NOX4: variants seen among roughly 807,000 people sequenced by gnomAD.
NOX4 encodes the protein kidney oxidase-1.
NOX4 carries 69 observed loss-of-function variants against 87.6 expected under a neutral mutation model. The observed-to-expected ratio is 0.79, with a 90% CI of 0.65 to 0.96. The LOEUF (loss-of-function observed/expected upper bound fraction) is 0.96, where lower values mean the gene tolerates loss of function less well. Among genes scored for constraint, NOX4 ranks in the 40% least tolerant of loss-of-function variants. The pLI is 0.00. For synonymous variants in NOX4, 275 were observed against 238.2 expected (o/e 1.15, Z -1.42); for missense variants, 680 against 681.5 (o/e 1.00, Z 0.02).
the NOX4 span, among the ~76,000 whole-genome samples, chr11:89,527,805 G>A: frequency 1.3e-5 from 2 of 152,166 alleles, no homozygotes; most frequent in Non-Finnish European, 2.9e-5. Flanking sequence ...CTCTGCTAGG[G>A]CAGTGTGGAA....
chr11:89,369,032 T>G (rs1202118358), intron 12 of NOX4, among the ~76,000 whole-genome samples: 2 of 152,132 alleles, frequency 1.3e-5, no homozygotes, highest in South Asian at 2.1e-4. Flanking sequence ...ATGGAGCTAT[T>G]TTAAACCTGT....
At chr11:89,537,113 G>T in the NOX4 span, among the ~76,000 whole-genome samples, 1 of 152,174 alleles carries the variant, frequency 6.6e-6, no homozygotes, top group African/African-American at 2.4e-5. Context: ...AAGGAGAGCA[G>T]CTTGGCTCTT....
chr11:89,433,895 G>A (rs1053640502), intron 6 of NOX4, among the ~76,000 whole-genome samples: 1 of 152,008 alleles, frequency 6.6e-6, no homozygotes, highest in South Asian at 2.1e-4. Context: ...AACAGCTAAA[G>A]TGTCAATGGT....
chr11:89,567,002 T>G, the NOX4 span, among the ~76,000 whole-genome samples: 1 of 152,144 alleles, frequency 6.6e-6, no homozygotes. Flanking sequence ...ACAGCATGAC[T>G]ACAGTAGAGC....
chr11:89,453,050 T>C (rs528506690), intron 2 of NOX4, among the ~76,000 whole-genome samples: 1 of 152,024 alleles, frequency 6.6e-6, no homozygotes, highest in South Asian at 2.1e-4. Context: ...TCTCAAAAAA[T>C]AAAAAATTAA....
At chr11:89,390,346 G>A (rs1329599260) in intron 11 of NOX4, among the ~76,000 whole-genome samples, 1 of 152,056 alleles carries the variant, frequency 6.6e-6, no homozygotes, top group Non-Finnish European at 1.5e-5. Flanking sequence ...CCCAAATCTG[G>A]GGAAGCTATA....
At chr11:89,505,084 C>T in the NOX4 span, among the ~76,000 whole-genome samples, 1 of 151,940 alleles carries the variant, frequency 6.6e-6, no homozygotes, top group Non-Finnish European at 1.5e-5. Context: ...TCTTTGTTAG[C>T]TATTACTTAC....
intron 11 of NOX4, among the ~76,000 whole-genome samples, chr11:89,391,243 AG>A (rs2135135596): frequency 6.6e-6 from 1 of 152,288 alleles, no homozygotes; most frequent in African/African-American, 2.4e-5. Flanking sequence ...TGCTCATAAA[AG>A]GAAAGGTCAG....
At chr11:89,571,430 G>A in the NOX4 span, among the ~76,000 whole-genome samples, 1 of 151,808 alleles carries the variant, frequency 6.6e-6, no homozygotes, top group Non-Finnish European at 1.5e-5. Context: ...CTGAGTAACT[G>A]GGACTACAGG....
the NOX4 span, among the ~76,000 whole-genome samples, chr11:89,569,116 A>G: frequency 1.3e-5 from 2 of 152,118 alleles, no homozygotes; most frequent in Non-Finnish European, 2.9e-5. Flanking sequence ...ACCCTAGAAT[A>G]ACACCTAGGA....
chr11:89,402,566 A>T (rs367704132), intron 8 of NOX4, 24 bp from the exon 9 acceptor site: 4 of 1,536,836 alleles, frequency 2.6e-6, no homozygotes, highest in Non-Finnish European at 2.7e-6. Flanking sequence ...TAAAACAAAC[A>T]AACAGAGAAA....
intron 17 of NOX4, among the ~76,000 whole-genome samples, chr11:89,329,002 T>C (rs1038800212): frequency 2.0e-5 from 3 of 151,910 alleles, no homozygotes; most frequent in Non-Finnish European, 4.4e-5. Context: ...AATAAATTGC[T>C]GTTGTTTAAT....
chr11:89,440,622 G>T, intron 6 of NOX4, 66 bp downstream of exon 6: 2 of 1,151,894 alleles, frequency 1.7e-6, no homozygotes, highest in Middle Eastern at 2.3e-4. Context: ...ACTGCGCCCA[G>T]TCCGATAATG....
At chr11:89,465,435 C>T (rs1191866721) in intron 2 of NOX4, among the ~76,000 whole-genome samples, 1 of 152,126 alleles carries the variant, frequency 6.6e-6, no homozygotes, top group Non-Finnish European at 1.5e-5. Flanking sequence ...AACACTGCTG[C>T]AATAAACATA....
At chr11:89,409,524 G>C (rs560796577) in intron 8 of NOX4, among the ~76,000 whole-genome samples, 9 of 152,186 alleles carry the variant, frequency 5.9e-5, no homozygotes, top group African/African-American at 1.7e-4. Flanking sequence ...GAAATGTAAG[G>C]CATCGTTAAT....
chr11:89,421,806 C>T, intron 8 of NOX4, 96 bp downstream of exon 8: 2 of 667,202 alleles, frequency 3.0e-6, no homozygotes, highest in Admixed American at 3.3e-5. Context: ...ACTCTTGACA[C>T]TTTTACCACC....
chr11:89,571,598 A>G, the NOX4 span, among the ~76,000 whole-genome samples: 6 of 151,954 alleles, frequency 3.9e-5, no homozygotes, highest in Non-Finnish European at 7.4e-5. Context: ...CCCAGGCTAT[A>G]CCTTTTTAAA....
At chr11:89,443,877 C>T in intron 5 of NOX4, 1 of 349,368 alleles carries the variant, frequency 2.9e-6, no homozygotes, top group Non-Finnish European at 5.3e-6. Context: ...GAGTCAGAGG[C>T]AGACCTGAGT....
chr11:89,540,510 G>A, the NOX4 span, among the ~76,000 whole-genome samples: 4 of 151,342 alleles, frequency 2.6e-5, no homozygotes, highest in Admixed American at 2.0e-4. Flanking sequence ...AGCTTCGGCC[G>A]GGCACAGTGG....
Sources: allele counts gnomAD v4.1 joint callset (sites outside exome capture counted in the v4.1 genomes callset), GRCh38; gene constraint gnomAD v4.1.1; transcripts MANE v1.5; gene names NCBI Gene and HGNC (gene_info 2026-07-23, HGNC 2026-07-21).